The following CA14 variants were observed in gnomAD, a reference collection of about 807,000 sequenced individuals.
The protein encoded by CA14 is CA-XIV.
A neutral mutation model predicts 48.8 loss-of-function variants in CA14; 44 were observed. The observed-to-expected ratio is 0.90, with a 90% confidence interval of 0.71 to 1.16. CA14 has a LOEUF of 1.16. CA14 is among the 50% of genes most tolerant of loss of function. The probability of loss-of-function intolerance (pLI) is 0.00; values close to 1 mark genes in which losing one functional copy is unlikely to be tolerated. For missense variants in CA14, 386 were observed against 401.0 expected, an observed-to-expected ratio of 0.96 and a Z score of 0.32; for synonymous variants, 154 against 155.0, an observed-to-expected ratio of 0.99 and a Z score of 0.05.
In CA14 at chr1:150,261,510, A is replaced by G. The variant is rs781783234; in HGVS notation, c.128A>G (p.Asn43Ser). Residue 43 changes from asparagine (N) to serine (S), a missense_variant, in exon 3 of 11, where the codon AAT (asparagine) becomes AGT (serine). Coordinates refer to ENST00000369111, the MANE Select transcript of CA14 (RefSeq NM_012113.3). ...WPASYPECGN[N>S]AQSPIDIQTD... ...GCCTCTTACCCTGAGTGTGGAAACA[A>G]TGCCCAGTCGCCCATCGATATTCAG... 5 of 1,614,148 alleles carry G rather than the reference A, an allele frequency of 3.1e-6. No individual in the cohort carries two copies. In the Admixed American group the frequency reaches 8.3e-5, roughly 27 times the overall value.
At position 150,264,578 on chromosome 1, in the gene CA14, C is replaced by T. The variant is rs781916841; in HGVS notation, c.948-15C>T. The T allele has an allele frequency of 1.3e-6, 2 of 1,498,198 alleles. No individual in the cohort carries two copies. The highest frequency in any genetic ancestry group is 2.3e-5 in the East Asian group (1 of 44,280). The allele number at this position is 1,498,198 out of a possible 1,614,324, so 92.8% of individuals were successfully genotyped here. A position where few individuals can be genotyped will look rare whatever the true frequency, so the allele number is the denominator to read the frequency against. On this transcript the variant is annotated splice_polypyrimidine_tract_variant and intron_variant, in intron 10 of 10. Transcript: ENST00000369111. Reference sequence around the variant, plus strand: ...TTAGATAGCAGTCATTCTCATGAGCCATTCCCCTTTCCAGGAAGAAGAGGC... The same window carrying T: ...TTAGATAGCAGTCATTCTCATGAGCTATTCCCCTTTCCAGGAAGAAGAGGC...
chr1:150,260,432 A>C, intron 2 of CA14: 1 of 558,782 alleles, frequency 1.8e-6, no homozygotes, highest in South Asian at 1.9e-5. Context: ...GCTGGGGTGG[A>C]AAGGAAGCTG....
rs1196308776 is a variant in CA14, at chr1:150,262,496, A to T, written c.400-29A>T. 3 of 1,577,956 alleles carry T rather than the reference A, an allele frequency of 1.9e-6. No individual in the cohort carries two copies. In the South Asian group the frequency reaches 3.3e-5, roughly 17 times the overall value. On this transcript the variant is annotated intron_variant, in intron 4 of 10. Transcript: ENST00000369111. Reference sequence around the variant, plus strand: ...GCCTTGAAGGGGGTGCAGACATTCCATGATTCAATTCCCTCTTCCTTCCTT... The same window carrying T: ...GCCTTGAAGGGGGTGCAGACATTCCTTGATTCAATTCCCTCTTCCTTCCTT...
intron 7 of CA14, 27 bp from the exon 8 acceptor site, chr1:150,263,272 C>A (rs1651249751): frequency 1.2e-6 from 2 of 1,613,746 alleles, no homozygotes; most frequent in African/African-American, 2.7e-5. Context: ...CCCAAAGTAA[C>A]ACCTCTCCCA....
rs1651185484 is a variant in CA14 at position 150,262,871 on chromosome 1, G to A, written c.562+1G>A. The A allele has an allele frequency of 1.2e-6, 2 of 1,611,064 alleles. No homozygotes were observed. The highest frequency in any genetic ancestry group is 2.7e-5 in the African/African-American group (2 of 74,848). On this transcript the variant is annotated splice_donor_variant, in intron 6 of 10. Transcript: ENST00000369111. LOFTEE classifies it high-confidence loss of function. ...CACTTGCATGAAGTCAGGCATAAAG[G>A]TGAGCCTTAAAAATCTATAGCAGGA...
rs200952346 is a variant in CA14 at position 150,263,163 on chromosome 1, A to G, written c.684A>G (p.Thr228=). The G allele has an allele frequency of 2.0e-4, 316 of 1,614,130 alleles. No individual in the cohort carries two copies. Among genetic ancestry groups the G allele is most frequent in the Non-Finnish European group, 2.5e-4 (298 of 1,180,004 alleles). ...TPPCYQSVLW[T]VFYRRSQISM... is the part of the protein sequence containing the mutation. ...CTTGCTACCAGAGTGTGCTCTGGACAGTTTTTTATAGAAGGTCCCAGATTT... is the reference window on the plus strand; with the variant it reads ...CTTGCTACCAGAGTGTGCTCTGGACGGTTTTTTATAGAAGGTCCCAGATTT... Residue 228 remains threonine, a synonymous_variant, in exon 7 of 11, where the codon ACA becomes ACG. Transcript: ENST00000369111.
chr1:150,259,974 A>G (rs1483981453), intron 1 of CA14, among the ~76,000 whole-genome samples, 177 bp from the exon 2 acceptor site: 1 of 152,102 alleles, frequency 6.6e-6, no homozygotes, highest in Non-Finnish European at 1.5e-5. Flanking sequence ...AGGCCCCCCG[A>G]CCTTTCCACA....
In CA14 at chr1:150,263,703, G is replaced by A. The variant is rs988854980; in HGVS notation, c.862+24G>A. On this transcript the variant is annotated intron_variant, in intron 9 of 10. Coordinates refer to ENST00000369111, the MANE Select transcript of CA14 (RefSeq NM_012113.3). ...AGGTAAGCCAGCCTTATAAGATAAT[G>A]CGGGGAGGGGAGGTGTCCTCACCGA... 7.4e-6 allele frequency: 12 copies of A among 1,613,870 alleles called. No individual in the cohort carries two copies. In the African/African-American group the frequency reaches 1.5e-4, roughly 20 times the overall value.
At position 150,261,583 on chromosome 1, in the gene CA14, C is replaced by G. The variant is rs782283497; in HGVS notation, c.201C>G (p.His67Gln). 2 of 1,614,050 alleles carry G rather than the reference C, an allele frequency of 1.2e-6. No individual in the cohort carries two copies. The highest frequency in any genetic ancestry group is 1.7e-6 in the Non-Finnish European group (2 of 1,180,044). The change falls in exon 3 of 11, where the codon CAC becomes CAG. Residue 67 changes from histidine to glutamine, a missense_variant. Coordinates refer to ENST00000369111, the MANE Select transcript of CA14 (RefSeq NM_012113.3). Reference protein sequence around the residue: ...FDPDLPALQPHGYDQPGTEPL... With the variant: ...FDPDLPALQPQGYDQPGTEPL... ...CTGATTTGCCTGCTCTGCAGCCCCA[C>G]GGATATGACCAGCCTGGCACCGAGC...
intron 2 of CA14, chr1:150,261,161 G>A: frequency 2.6e-6 from 1 of 391,408 alleles, no homozygotes; most frequent in Admixed American, 4.1e-5. Context: ...CCCTCATTCA[G>A]CTTTCTTGTC....
Position 150,264,697 on chromosome 1 carries a change from T to C in CA14, c.*38T>C. 2 of 1,555,910 alleles carry C rather than the reference T, an allele frequency of 1.3e-6. No homozygotes were observed. The highest frequency in any genetic ancestry group is 1.8e-6 in the Non-Finnish European group (2 of 1,131,582). ...ATACCATGGATGTGGATGACTTCCC[T>C]TCATGCCTATCAGGAAGCCTCTAAA... On this transcript the variant is annotated 3_prime_UTR_variant, in exon 11 of 11. Coordinates refer to ENST00000369111, the MANE Select transcript of CA14 (RefSeq NM_012113.3).
At chr1:150,261,362 T>C in intron 2 of CA14, 97 bp from the exon 3 acceptor site, 1 of 1,070,374 alleles carries the variant, frequency 9.3e-7, no homozygotes, top group Non-Finnish European at 1.4e-6. Flanking sequence ...CACACAGATG[T>C]ATGGCTTGGT....
rs190973369 is a variant in CA14 at position 150,263,355 on chromosome 1, G to A, written c.777G>A (p.Leu259=). ...FSTEEEPSKL[L]VQNYRALQPL... is the part of the protein sequence containing the mutation. ...CAGAAGAGGAGCCCTCTAAGCTTCT[G>A]GTACAGAACTACCGAGCCCTTCAGC... The change falls in exon 8 of 11, where the codon CTG becomes CTA. Residue 259 remains leucine (L), a synonymous_variant. Transcript: ENST00000369111. 28 of 1,614,188 alleles carry A rather than the reference G, an allele frequency of 1.7e-5. No individual in the cohort carries two copies. The highest frequency in any genetic ancestry group is 4.5e-5 in the East Asian group (2 of 44,888).
intron 1 of CA14, 31 bp from the exon 2 acceptor site, chr1:150,260,120 T>C: frequency 6.2e-7 from 1 of 1,612,428 alleles, no homozygotes; most frequent in Non-Finnish European, 8.5e-7. Flanking sequence ...CAGGCTGCGC[T>C]GGCTGTAACC....
chr1:150,263,865 G>C lies in CA14; in HGVS notation c.934G>C (p.Ala312Pro), dbSNP rs183441903. 3.1e-6 allele frequency: 5 copies of C among 1,611,406 alleles called. No homozygotes were observed. The highest frequency in any genetic ancestry group is 1.3e-5 in the African/African-American group (1 of 74,546). Residue 312 changes from alanine (A) to proline (P), a missense_variant, in exon 10 of 11, where the codon GCT (alanine) becomes CCT (proline). By Grantham distance (27) the Ala-to-Pro change is conservative. Coordinates refer to ENST00000369111, the MANE Select transcript of CA14 (RefSeq NM_012113.3). Reference sequence around the variant, plus strand: ...CCTTCTCCTGGCTGTTTATTTCATTGCTAGAAAGATTCGGTGAGGCCCTAC... The same window carrying C: ...CCTTCTCCTGGCTGTTTATTTCATTCCTAGAAAGATTCGGTGAGGCCCTAC... ...LCLLLAVYFI[A>P]RKIRKKRLEN... is the part of the protein sequence containing the mutation.
chr1:150,262,722 C>A, intron 5 of CA14, 82 bp from the exon 6 acceptor site: 1 of 1,379,328 alleles, frequency 7.2e-7, no homozygotes, highest in Non-Finnish European at 1.0e-6. Context: ...CAGCAGCCCA[C>A]CCTGACCATT....
At position 150,264,744 on chromosome 1, in the gene CA14, G is replaced by C. The variant is rs1305848455; in HGVS notation, c.*85G>C. 3.0e-6 allele frequency: 3 copies of C among 1,011,424 alleles called. No individual in the cohort carries two copies. The highest frequency in any genetic ancestry group is 4.5e-6 in the Non-Finnish European group (3 of 662,532). The allele number at this position is 1,011,424 out of a possible 1,614,324, so 62.7% of individuals were successfully genotyped here. The stretch of plus-strand genomic sequence containing the variant: ...TAAAATGGGGTGTAGGATCTGGCCA[G>C]AAACACTGTAGGAGTAGTAAGCAGA... On this transcript the variant is annotated 3_prime_UTR_variant, in exon 11 of 11. Transcript: ENST00000369111.
chr1:150,260,754 ATT>A lies in CA14; in HGVS notation c.76+605_76+606del, dbSNP rs1650954664. 2.3e-4 allele frequency: 31 copies of A among 136,318 alleles called. 2 individuals are homozygous for A. Among genetic ancestry groups the A allele is most frequent in the South Asian group, 6.3e-4 (3 of 4,772 alleles). The allele number at this position is 136,318 out of a possible 1,614,324, so 8.4% of individuals were successfully genotyped here. On this transcript the variant is annotated intron_variant, in intron 2 of 10. Transcript: ENST00000369111. ...CCAGGAGACCGTATCTCTCTAGGTT[ATT>A]TTTTTTTTTTTTTTTTTTTTTGACA... is the stretch of plus-strand genomic sequence containing the variant.
rs1367577517 is a variant in CA14 at position 150,260,890 on chromosome 1, G to A, written c.77-569G>A. On this transcript the variant is annotated intron_variant, in intron 2 of 10. Transcript: ENST00000369111. Reference sequence around the variant, plus strand: ...TTCTCCTGCCTCAGCTTCTCGAGTAGCTGGGATTACAGGTGCCCACCACCA... The same window carrying A: ...TTCTCCTGCCTCAGCTTCTCGAGTAACTGGGATTACAGGTGCCCACCACCA... 1.9e-5 allele frequency: 3 copies of A among 154,254 alleles called. No individual in the cohort carries two copies. The East Asian group carries it at 5.8e-4, about 30-fold the overall frequency. 9.6% of individuals were successfully genotyped at this position (154,254 alleles called of 1,614,324 possible). A position where few individuals can be genotyped will look rare whatever the true frequency, so the allele number is the denominator to read the frequency against.
Sources: gnomAD v4.1 joint callset for allele counts (sites outside exome capture counted in the v4.1 genomes callset) on GRCh38, gnomAD v4.1.1 for gene constraint, MANE v1.5 for transcripts, NCBI Gene and HGNC (gene_info 2026-07-23, HGNC 2026-07-21) for gene names.